The following KCND3 variants were observed in gnomAD, a reference collection of about 807,000 sequenced individuals.
KCND3 encodes the protein A-type voltage-gated potassium channel KCND3.
Under a neutral mutation model 51.1 loss-of-function variants are expected in KCND3, and 9 were observed. The observed-to-expected ratio is 0.18, with a 90% confidence interval of 0.11 to 0.31. The LOEUF (loss-of-function observed/expected upper bound fraction) is 0.31. Ranked by LOEUF, KCND3 falls within the 10% of genes least tolerant of loss-of-function variation. KCND3 has a pLI of 1.00. For missense variants in KCND3, 526 were observed against 903.8 expected, an observed-to-expected ratio of 0.58 and a Z score of 5.36; for synonymous variants, 349 against 368.0, an observed-to-expected ratio of 0.95 and a Z score of 0.59.
chr1:111,917,184 A>G (rs1164355623), intron 2 of KCND3, among the ~76,000 whole-genome samples: 3 of 152,240 alleles, frequency 2.0e-5, no homozygotes, highest in Non-Finnish European at 4.4e-5. Context: ...ACTGATAACA[A>G]GGCAAGAATG....
chr1:111,919,711 C>T (rs1671391227), intron 2 of KCND3, among the ~76,000 whole-genome samples: 1 of 152,190 alleles, frequency 6.6e-6, no homozygotes, highest in Non-Finnish European at 1.5e-5. Flanking sequence ...ACAAAAATCT[C>T]ACAACAAAGT....
chr1:111,866,263 C>CTTTTTTTTTTT (rs11399761), intron 2 of KCND3, among the ~76,000 whole-genome samples: 67 of 54,228 alleles, frequency 1.2e-3, no homozygotes, highest in African/African-American at 1.8e-3. Flanking sequence ...CTTTTCTTTT[C>CTTTTTTTTTTT]TTTTTTTTTT....
intron 2 of KCND3, among the ~76,000 whole-genome samples, chr1:111,828,296 A>C (rs981791694): frequency 5.3e-5 from 8 of 152,176 alleles, no homozygotes; most frequent in Non-Finnish European, 2.9e-5. Flanking sequence ...CAAGGATAGG[A>C]TCTAACCTTT....
chr1:111,956,184 G>A (rs981923654), intron 2 of KCND3, among the ~76,000 whole-genome samples: 1 of 152,096 alleles, frequency 6.6e-6, no homozygotes, highest in Non-Finnish European at 1.5e-5. Flanking sequence ...CTTGGAGACC[G>A]CTTTGAGGGG....
chr1:111,779,116 A>G (rs1221859024), intron 5 of KCND3, among the ~76,000 whole-genome samples: 2 of 152,212 alleles, frequency 1.3e-5, no homozygotes, highest in Non-Finnish European at 2.9e-5. Context: ...CCATTTTGGA[A>G]GTAATTATTG....
At chr1:111,875,603 G>A (rs59522074) in intron 2 of KCND3, among the ~76,000 whole-genome samples, 3,500 of 152,230 alleles carry the variant, frequency 0.023, 152 homozygotes, top group African/African-American at 0.08. Flanking sequence ...GTTCCTTCCC[G>A]GGATCAGCAC....
chr1:111,836,878 G>A (rs956543733), intron 2 of KCND3, among the ~76,000 whole-genome samples: 11 of 152,140 alleles, frequency 7.2e-5, no homozygotes, highest in Non-Finnish European at 8.8e-5. Context: ...CTCCATCCCC[G>A]GTACCCTTCA....
intron 2 of KCND3, among the ~76,000 whole-genome samples, chr1:111,923,311 C>T (rs771293127): frequency 5.3e-5 from 8 of 152,170 alleles, no homozygotes; most frequent in Non-Finnish European, 1.0e-4. Flanking sequence ...GAGGTGGTTT[C>T]CTGCCTGCTT....
At chr1:111,972,168 C>CTTTTT (rs56102317) in intron 2 of KCND3, among the ~76,000 whole-genome samples, 2 of 80,200 alleles carry the variant, frequency 2.5e-5, no homozygotes, top group Non-Finnish European at 4.6e-5. Context: ...ATTTGTATAT[C>CTTTTT]TTTTTTTTTT....
At chr1:111,827,915 T>C (rs1050844597) in intron 2 of KCND3, among the ~76,000 whole-genome samples, 1 of 152,058 alleles carries the variant, frequency 6.6e-6, no homozygotes, top group African/African-American at 2.4e-5. Context: ...AGCCCTGGGA[T>C]AGAGAATAAG....
At chr1:111,920,313 C>T (rs1671418278) in intron 2 of KCND3, among the ~76,000 whole-genome samples, 1 of 146,824 alleles carries the variant, frequency 6.8e-6, no homozygotes, top group Non-Finnish European at 1.6e-5. Context: ...TTCCTACAGC[C>T]CGACCTCACA....
Position 111,979,659 on chromosome 1 carries a change from T to C in KCND3, c.1106+1962A>G, listed in dbSNP as rs529738121. On this transcript the variant is annotated intron_variant, in intron 2 of 7. Transcript: ENST00000302127. ...CTGCTCCTTATCAGCTACGTGACTA[T>C]GGAAGTTTATATAGTCTCTCTGAGC... Among the ~76,000 whole-genome samples the C allele has an allele frequency of 4.6e-5, 7 of 152,362 alleles. No individual in the cohort carries two copies. The East Asian group carries it at 9.6e-4, about 21-fold the overall frequency.
intron 2 of KCND3, among the ~76,000 whole-genome samples, chr1:111,974,383 A>G (rs1674515860): frequency 6.6e-6 from 1 of 152,156 alleles, no homozygotes; most frequent in African/African-American, 2.4e-5. Flanking sequence ...AAAAAAAAAA[A>G]AAACTTGGAC....
At chr1:111,784,543 G>A (rs752835868) in intron 3 of KCND3, among the ~76,000 whole-genome samples, 7 of 152,166 alleles carry the variant, frequency 4.6e-5, no homozygotes, top group Non-Finnish European at 8.8e-5. Context: ...AGAGGATGAC[G>A]ATATAGCTAC....
Position 111,893,702 on chromosome 1 carries a change from AC to A in KCND3, c.1106+87918del, listed in dbSNP as rs374656540. ...CTCCTTGACCTATCAGAGGTGAACA[AC>A]CCAGGGCCCAAGTGACAGGAGTCAT... On this transcript the variant is annotated intron_variant, in intron 2 of 7. Transcript: ENST00000302127. Among the ~76,000 whole-genome samples, 471 of 152,236 alleles carry A rather than the reference AC, an allele frequency of 3.1e-3. 5 individuals carry two copies. The highest frequency in any genetic ancestry group is 0.011 in the African/African-American group (450 of 41,540).
intron 2 of KCND3, among the ~76,000 whole-genome samples, chr1:111,887,671 C>A (rs1382769383): frequency 6.6e-6 from 1 of 152,162 alleles, no homozygotes; most frequent in African/African-American, 2.4e-5. Context: ...TGAATCAGAG[C>A]AGATAAACCA....
chr1:111,837,673 G>A (rs913717499), intron 2 of KCND3, among the ~76,000 whole-genome samples: 37 of 152,136 alleles, frequency 2.4e-4, no homozygotes, highest in African/African-American at 8.7e-4. Flanking sequence ...GATCACACGG[G>A]TGTATTCACA....
intron 3 of KCND3, among the ~76,000 whole-genome samples, chr1:111,783,045 A>G (rs368957333): frequency 6.6e-6 from 1 of 152,106 alleles, no homozygotes; most frequent in Admixed American, 6.5e-5. Flanking sequence ...AAGGAAGAAG[A>G]TCCTATGTGA....
chr1:111,913,459 C>T (rs1018596975), intron 2 of KCND3, among the ~76,000 whole-genome samples: 1 of 152,140 alleles, frequency 6.6e-6, no homozygotes, highest in Non-Finnish European at 1.5e-5. Flanking sequence ...AAAGGCAGTG[C>T]CAGACTTACC....
Sources: allele counts gnomAD v4.1 joint callset (sites outside exome capture counted in the v4.1 genomes callset), GRCh38; gene constraint gnomAD v4.1.1; transcripts MANE v1.5; gene names NCBI Gene and HGNC (gene_info 2026-07-23, HGNC 2026-07-21).